Variants in PCSK7 observed in about 807,000 individuals in gnomAD.
PCSK7 encodes the protein lymphoma proprotein convertase.
Under a neutral mutation model 73.3 loss-of-function variants are expected in PCSK7, and 38 were observed. The ratio of observed to expected loss-of-function variants is 0.52; its 90% confidence interval spans 0.40 to 0.68. The LOEUF (loss-of-function observed/expected upper bound fraction) is 0.68, where lower values mean the gene tolerates loss of function less well. Ranked by LOEUF, PCSK7 falls within the 30% of genes least tolerant of loss-of-function variation. The pLI, the probability that PCSK7 is intolerant of heterozygous loss-of-function variation, is 0.00. For missense variants in PCSK7, 692 were observed against 991.5 expected (o/e 0.70, Z 4.06); for synonymous variants, 296 against 383.8 (o/e 0.77, Z 2.68).
chr11:117,231,440 TAAGTAAACAAACTAAC>T, intron 1 of PCSK7, among the ~76,000 whole-genome samples: 1 of 152,236 alleles, frequency 6.6e-6, no homozygotes, highest in Middle Eastern at 3.4e-3. Flanking sequence ...CATACTCTAC[TAAGTAAACAAACTAAC>T]AAACAAAACC....
At chr11:117,212,357 T>C (rs2031764994) in intron 12 of PCSK7, 1 of 151,764 alleles carries the variant, frequency 6.6e-6, no homozygotes, top group Non-Finnish European at 1.5e-5. Context: ...CCAGTTGTCG[T>C]CCCCTCCACA....
chr11:117,219,859 G>A, intron 9 of PCSK7, 101 bp from the exon 10 acceptor site: 1 of 837,928 alleles, frequency 1.2e-6, no homozygotes, highest in Non-Finnish European at 1.8e-6. Flanking sequence ...GCCCAGGCAG[G>A]AGGATTGCTT....
chr11:117,227,578 G>C (rs1370280899), intron 4 of PCSK7, among the ~76,000 whole-genome samples: 2 of 152,156 alleles, frequency 1.3e-5, no homozygotes, highest in Non-Finnish European at 2.9e-5. Flanking sequence ...GAGTGGCTGG[G>C]ACTATAGGTG....
intron 1 of PCSK7, chr11:117,231,057 CA>C (rs5795071): frequency 0.29 from 38,714 of 134,690 alleles, 5,371 homozygotes; most frequent in South Asian, 0.51. Flanking sequence ...CAGGAGCCCT[CA>C]AAAAAAAAAA....
intron 5 of PCSK7, 96 bp downstream of exon 5, chr11:117,227,061 T>G: frequency 1.0e-6 from 1 of 978,758 alleles, no homozygotes; most frequent in Non-Finnish European, 1.5e-6. Flanking sequence ...AGCTGGGCTA[T>G]GGGATAAAGA....
In PCSK7 at chr11:117,229,438, A is replaced by T; in HGVS notation, c.407T>A (p.Leu136Gln). Reference protein sequence around the residue: ...AVRWHSEQRLLRRAKRSVHFN... With the variant: ...AVRWHSEQRLQRRAKRSVHFN... Reference sequence around the variant, plus strand: ...GTGGACGCTGCGCTTGGCCCGCCTTAGCAGCCTCTGCTCTGAGTGCCAGCG... The same window carrying T: ...GTGGACGCTGCGCTTGGCCCGCCTTTGCAGCCTCTGCTCTGAGTGCCAGCG... The change falls in exon 3 of 17, where the codon CTA becomes CAA. Residue 136 changes from leucine to glutamine, a missense_variant. Physicochemically the swap from Leu to Gln is moderately radical, Grantham distance 113. Around this residue, in one of 6 missense-constraint regions of PCSK7, gnomAD observed 574 missense variants for 689.8 expected, o/e 0.83. Coordinates refer to ENST00000320934, the MANE Select transcript of PCSK7 (RefSeq NM_004716.4). The T allele has an allele frequency of 6.2e-7, 1 of 1,610,550 alleles. No individual in the cohort carries two copies. The highest frequency in any genetic ancestry group is 8.5e-7 in the Non-Finnish European group (1 of 1,180,020).
intron 4 of PCSK7, among the ~76,000 whole-genome samples, chr11:117,227,771 A>G (rs2032488212): frequency 6.6e-6 from 1 of 152,174 alleles, no homozygotes; most frequent in African/African-American, 2.4e-5. Context: ...TGCAAACCAC[A>G]CTGGCTAAAA....
intron 5 of PCSK7, 21 bp downstream of exon 5, chr11:117,227,136 T>C: frequency 6.3e-7 from 1 of 1,582,606 alleles, no homozygotes. Flanking sequence ...CTACCAAGGC[T>C]AGGCTGGAGG....
At chr11:117,231,681 T>TA (rs2134340994) in intron 1 of PCSK7, 1 of 152,402 alleles carries the variant, frequency 6.6e-6, no homozygotes, top group African/African-American at 2.4e-5. Context: ...TTACAGCTCT[T>TA]AATTGACAAG....
intron 9 of PCSK7, chr11:117,222,410 C>G (rs965199315): frequency 6.6e-6 from 1 of 152,222 alleles, no homozygotes; most frequent in African/African-American, 2.4e-5. Context: ...GACATTCCCC[C>G]ACTCCTCTTC....
chr11:117,222,511 G>A (rs2032243071), intron 9 of PCSK7: 1 of 152,164 alleles, frequency 6.6e-6, no homozygotes. Flanking sequence ...AGAGCTGAAG[G>A]GCAATGGAAT....
intron 9 of PCSK7, chr11:117,221,942 A>AG (rs1467880612): frequency 6.6e-6 from 1 of 151,884 alleles, no homozygotes; most frequent in Non-Finnish European, 1.5e-5. Context: ...GGCTGGGAGG[A>AG]GGGGGTAGTA....
Position 117,227,314 on chromosome 11 carries a change from C to T in PCSK7, c.612G>A (p.Glu204=). 6.2e-7 allele frequency: 1 copy of T among 1,613,398 alleles called. No homozygotes were observed. The highest frequency in any genetic ancestry group is 8.5e-7 in the Non-Finnish European group (1 of 1,179,346). Residue 204 remains glutamate, a synonymous_variant, in exon 5 of 17, where the codon GAG becomes GAA. Transcript: ENST00000320934. ...IQDIAPNYSP[E]GSYDLNSNDP... is the part of the protein sequence containing the mutation. ...CATTAGAGTTGAGGTCATAGCTACC[C>T]TCAGGGCTCTGAAATATTTTGGAGG... is the stretch of plus-strand genomic sequence containing the variant.
chr11:117,212,536 C>G (rs1289796899), intron 12 of PCSK7: 2 of 151,708 alleles, frequency 1.3e-5, no homozygotes, highest in African/African-American at 4.8e-5. Flanking sequence ...CTCCCACCTC[C>G]CAAGTAGCTG....
At chr11:117,227,453 C>T (rs1303559355) in intron 4 of PCSK7, 131 bp from the exon 5 acceptor site, 1 of 748,792 alleles carries the variant, frequency 1.3e-6, no homozygotes, top group African/African-American at 1.7e-5. Context: ...CTCATCGTTT[C>T]TGTTTTTGAG....
Position 117,219,183 on chromosome 11 carries a change from T to C in PCSK7, c.1324-19A>G, listed in dbSNP as rs2032101978. On this transcript the variant is annotated intron_variant, in intron 10 of 16. Coordinates refer to ENST00000320934, the MANE Select transcript of PCSK7 (RefSeq NM_004716.4). Reference sequence around the variant, plus strand: ...CCTCATACTGAAAGGACAGAGGTCCTGGTTAGTCTCTTGCATTGCCAGTGT... The same window carrying C: ...CCTCATACTGAAAGGACAGAGGTCCCGGTTAGTCTCTTGCATTGCCAGTGT... 1 of 1,557,624 alleles carries C rather than the reference T, an allele frequency of 6.4e-7. No individual in the cohort carries two copies.
intron 12 of PCSK7, chr11:117,213,976 T>TTTTTTTTTTTTTTTTTTTTTTTTTTTTTG (rs36106425): frequency 7.6e-6 from 1 of 131,414 alleles, no homozygotes; most frequent in African/African-American, 3.2e-5. Flanking sequence ...TTTTTTTTTT[T>TTTTTTTTTTTTTTTTTTTTTTTTTTTTTG]AGACGGAGTC....
At chr11:117,219,319 A>T in intron 10 of PCSK7, 155 bp from the exon 11 acceptor site, 1 of 663,438 alleles carries the variant, frequency 1.5e-6, no homozygotes, top group East Asian at 2.7e-5. Flanking sequence ...CTGGGACAAA[A>T]GGTCAAAGCC....
chr11:117,227,794 G>C (rs1391908670), intron 4 of PCSK7, among the ~76,000 whole-genome samples: 1 of 152,174 alleles, frequency 6.6e-6, no homozygotes, highest in East Asian at 1.9e-4. Context: ...TATGAGCAAA[G>C]GACACTGGGG....
Sources: allele counts gnomAD v4.1 joint callset (sites outside exome capture counted in the v4.1 genomes callset), GRCh38; gene constraint gnomAD v4.1.1; regional missense constraint gnomAD v4.1.1; transcripts MANE v1.5; gene names NCBI Gene and HGNC (gene_info 2026-07-23, HGNC 2026-07-21).